Variants in FYCO1 observed in about 807,000 individuals in gnomAD.
FYCO1 encodes the protein FYVE and coiled-coil domain-containing protein 1.
Under a neutral mutation model 165.1 loss-of-function variants are expected in FYCO1, and 122 were observed. The observed-to-expected ratio is 0.74, with a 90% CI of 0.64 to 0.86. The LOEUF is 0.86. Ranked by LOEUF, FYCO1 falls within the 40% of genes least tolerant of loss-of-function variation. FYCO1 has a pLI of 0.00. For synonymous variants in FYCO1, 648 were observed against 742.5 expected (o/e 0.87, Z 2.07); for missense variants, 1,702 against 1,810.3 (o/e 0.94, Z 1.09).
Position 45,921,800 on chromosome 3 carries a change from G to A in FYCO1, c.4402C>T (p.Arg1468Trp), listed in dbSNP as rs377154822. Residue 1468 changes from arginine (R) to tryptophan (W), a missense_variant, in exon 18 of 18, where the codon CGG (arginine) becomes TGG (tryptophan). By Grantham distance (101) the Arg-to-Trp change is moderately radical. Coordinates refer to ENST00000296137, the MANE Select transcript of FYCO1 (RefSeq NM_024513.4). ...KKVFYHLTVDRPVIYDGSDFL is the reference protein window; with the variant it reads ...KKVFYHLTVDWPVIYDGSDFL ...TCACTTCCATCGTAGATCACAGGCCGATCAACCGTCAAGTGATAAAATACC... is the reference window on the plus strand; with the variant it reads ...TCACTTCCATCGTAGATCACAGGCCAATCAACCGTCAAGTGATAAAATACC... 23 of 1,612,692 alleles carry A rather than the reference G, an allele frequency of 1.4e-5. No individual in the cohort carries two copies. Among genetic ancestry groups the A allele is most frequent in the Non-Finnish European group, 1.6e-5 (19 of 1,178,786 alleles).
intron 4 of FYCO1, among the ~76,000 whole-genome samples, chr3:45,975,754 C>T (rs529579549): frequency 1.3e-5 from 2 of 152,262 alleles, no homozygotes; most frequent in African/African-American, 2.4e-5. Context: ...GTAAGTGAAG[C>T]ACTTCTCACA....
chr3:45,966,569 A>C lies in FYCO1; in HGVS notation c.2765T>G (p.Val922Gly), dbSNP rs1219288721. Residue 922 changes from valine (V) to glycine (G), a missense_variant, in exon 8 of 18, where the codon GTG (valine) becomes GGG (glycine). Coordinates refer to ENST00000296137, the MANE Select transcript of FYCO1 (RefSeq NM_024513.4). ...GACAGCACAGGCCAGTGCCTCCTCC[A>C]CTCGCTCCTTTTCCACGGTCAGTGC... ...VCALTVEKER[V>G]EEALACAVQE... is the part of the protein sequence containing the mutation. The C allele has an allele frequency of 6.2e-7, 1 of 1,613,904 alleles. No homozygotes were observed. The highest frequency in any genetic ancestry group is 1.7e-5 in the Admixed American group (1 of 60,024).
intron 1 of FYCO1, among the ~76,000 whole-genome samples, chr3:45,988,642 C>T (rs1253289169): frequency 1.3e-5 from 2 of 152,184 alleles, no homozygotes; most frequent in African/African-American, 4.8e-5. Context: ...CAGGCTCTTT[C>T]AAATATCAGA....
intron 16 of FYCO1, among the ~76,000 whole-genome samples, chr3:45,924,261 G>T (rs1703219714): frequency 6.6e-6 from 1 of 152,192 alleles, no homozygotes; most frequent in South Asian, 2.1e-4. Context: ...ACCTAGGCCT[G>T]TCTCCTGGCT....
Position 45,967,725 on chromosome 3 carries a change from T to A in FYCO1, c.1609A>T (p.Lys537Ter). 6.2e-7 allele frequency: 1 copy of A among 1,613,284 alleles called. No individual in the cohort carries two copies. Among genetic ancestry groups the A allele is most frequent in the African/African-American group, 1.3e-5 (1 of 75,038 alleles). Residue 537 changes from lysine to a stop codon, truncating the protein, a stop_gained, in exon 8 of 18, where the codon AAG becomes TAG. Coordinates refer to ENST00000296137, the MANE Select transcript of FYCO1 (RefSeq NM_024513.4). LOFTEE classifies it high-confidence loss of function. ...QHVSDLEEQK[K>*]QLIQDKDHLS... Reference sequence around the variant, plus strand: ...TGGTCTTTGTCCTGAATGAGCTGCTTCTTCTGCTCCTCCAGGTCACTCACA... The same window carrying A: ...TGGTCTTTGTCCTGAATGAGCTGCTACTTCTGCTCCTCCAGGTCACTCACA...
Position 45,962,098 on chromosome 3 carries a change from G to A in FYCO1, c.3437+127C>T. 1 of 1,011,806 alleles carries A rather than the reference G, an allele frequency of 9.9e-7. No homozygotes were observed. The highest frequency in any genetic ancestry group is 1.3e-5 in the South Asian group (1 of 77,704). The allele number at this position is 1,011,806 out of a possible 1,614,324, so 62.7% of individuals were successfully genotyped here. A position where few individuals can be genotyped will look rare whatever the true frequency, so the allele number is the denominator to read the frequency against. ...AAAGTGAGATGGAGAAGGAGAGAGG[G>A]GCTCCTGAGACAGCAGCAAGAAAGT... On this transcript the variant is annotated intron_variant, in intron 11 of 17. Coordinates refer to ENST00000296137, the MANE Select transcript of FYCO1 (RefSeq NM_024513.4). The surrounding 1 kb of genome is among the most constrained non-coding windows in gnomAD (Gnocchi z 4.4).
intron 14 of FYCO1, among the ~76,000 whole-genome samples, chr3:45,953,401 C>T (rs1705137065): frequency 6.6e-6 from 1 of 152,196 alleles, no homozygotes; most frequent in Non-Finnish European, 1.5e-5. Context: ...TTGTAAACTG[C>T]TCTAAAGCCA....
chr3:45,983,436 T>C (rs1482681076), intron 2 of FYCO1, among the ~76,000 whole-genome samples: 1 of 152,184 alleles, frequency 6.6e-6, no homozygotes, highest in Non-Finnish European at 1.5e-5. Flanking sequence ...CTTTCAAGAA[T>C]TCCCACCAAA....
At position 45,954,216 on chromosome 3, in the gene FYCO1, TG is replaced by T. The variant is rs35590437; in HGVS notation, c.3944+1032del. 5.9e-5 allele frequency among the ~76,000 whole-genome samples: 9 copies of T among 151,822 alleles called. No homozygotes were observed. In the East Asian group the frequency reaches 9.7e-4, roughly 16 times the overall value. Reference sequence around the variant, plus strand: ...TTTCTTGAAACGTTATGACATTTTTTGGGGGGGGTAAGGCGATTTTTTTAAA... The same window carrying T: ...TTTCTTGAAACGTTATGACATTTTTTGGGGGGGTAAGGCGATTTTTTTAAA... On this transcript the variant is annotated intron_variant, in intron 14 of 17. Transcript: ENST00000296137.
At position 45,973,237 on chromosome 3, in the gene FYCO1, G is replaced by A. The variant is rs756281232; in HGVS notation, c.396-6C>T. 6.2e-7 allele frequency: 1 copy of A among 1,613,722 alleles called. No homozygotes were observed. The highest frequency in any genetic ancestry group is 1.1e-5 in the South Asian group (1 of 91,080). On this transcript the variant is annotated splice_polypyrimidine_tract_variant and splice_region_variant and intron_variant, in intron 5 of 17. Coordinates refer to ENST00000296137, the MANE Select transcript of FYCO1 (RefSeq NM_024513.4). ...TTCTTGCATAGTACCAGTCACTGCA[G>A]AAAAACATGTCAATTATAAGAGTAA...
At position 45,963,000 on chromosome 3, in the gene FYCO1, C is replaced by A. The variant is rs1021097035; in HGVS notation, c.3270-608G>T. On this transcript the variant is annotated intron_variant, in intron 10 of 17. Coordinates refer to ENST00000296137, the MANE Select transcript of FYCO1 (RefSeq NM_024513.4). The surrounding 1 kb of genome is among the most constrained non-coding windows in gnomAD (Gnocchi z 4.4). ...CTGAATCTCGCTGTCTTCCTCACCC[C>A]ACCCACTCCATTTTTAATGCAGCTA... Among the ~76,000 whole-genome samples, 1 of 152,184 alleles carries A rather than the reference C, an allele frequency of 6.6e-6. No homozygotes were observed. The highest frequency in any genetic ancestry group is 1.5e-5 in the Non-Finnish European group (1 of 68,032).
At chr3:45,937,205 A>G (rs183301242) in intron 14 of FYCO1, among the ~76,000 whole-genome samples, 13 of 152,016 alleles carry the variant, frequency 8.6e-5, no homozygotes, top group Admixed American at 7.2e-4. Context: ...AACCAGCTCC[A>G]CTCCCCAGTT....
At chr3:45,970,787 T>C (rs17215008) in intron 6 of FYCO1, among the ~76,000 whole-genome samples, 13,489 of 151,808 alleles carry the variant, frequency 0.089, 990 homozygotes, top group South Asian at 0.34. Flanking sequence ...AGATACAAAA[T>C]CTCAAAAACA....
rs1705856606 is a variant in FYCO1 at position 45,964,108 on chromosome 3, GA to G, written c.3269+227del. Among the ~76,000 whole-genome samples, 1 of 152,176 alleles carries G rather than the reference GA, an allele frequency of 6.6e-6. No individual in the cohort carries two copies. The highest frequency in any genetic ancestry group is 6.5e-5 in the Admixed American group (1 of 15,278). On this transcript the variant is annotated intron_variant, in intron 10 of 17. Transcript: ENST00000296137. The surrounding 1 kb of genome is among the most constrained non-coding windows in gnomAD (Gnocchi z 4.1). ...GAAGTATGATATGCACTGCCAGAGA[GA>G]AGAAAATTGAGTTAGGAGAAAGGTG...
intron 14 of FYCO1, among the ~76,000 whole-genome samples, chr3:45,938,771 C>T (rs1169426581): frequency 2.0e-5 from 3 of 152,350 alleles, no homozygotes; most frequent in African/African-American, 4.8e-5. Context: ...GGATTACAGG[C>T]GTGAGCCACT....
At chr3:45,947,250 C>T (rs1394311642) in intron 14 of FYCO1, 1 of 1,614,038 alleles carries the variant, frequency 6.2e-7, no homozygotes, top group African/African-American at 1.3e-5. Flanking sequence ...CCGCAGCACA[C>T]ACTGGGAATA....
chr3:45,984,941 C>G lies in FYCO1; in HGVS notation c.-31G>C. ...GTTTGCCTTTCTTGTCTGTATGTCT[C>G]CTGCCTGGGTCCAGAGGAAGGCTCA... On this transcript the variant is annotated 5_prime_UTR_variant, in exon 2 of 18. Coordinates refer to ENST00000296137, the MANE Select transcript of FYCO1 (RefSeq NM_024513.4). 3.1e-6 allele frequency: 5 copies of G among 1,612,664 alleles called. No homozygotes were observed. The highest frequency in any genetic ancestry group is 4.2e-6 in the Non-Finnish European group (5 of 1,178,998).
chr3:45,920,378 A>T lies in FYCO1; in HGVS notation c.*1387T>A, dbSNP rs916832484. 3.9e-5 allele frequency: 6 copies of T among 152,218 alleles called. No individual in the cohort carries two copies. Among genetic ancestry groups the T allele is most frequent in the Admixed American group, 6.5e-5 (1 of 15,274 alleles). 9.4% of individuals were successfully genotyped at this position (152,218 alleles called of 1,614,324 possible). On this transcript the variant is annotated 3_prime_UTR_variant, in exon 18 of 18. Coordinates refer to ENST00000296137, the MANE Select transcript of FYCO1 (RefSeq NM_024513.4). ...CCGGGCCCAGCTCTCAGATTCTCGG[A>T]TAGCCTGTCTGGTGCTCTCTCCCTC... is the stretch of plus-strand genomic sequence containing the variant.
intron 1 of FYCO1, among the ~76,000 whole-genome samples, chr3:45,990,862 C>A (rs974039951): frequency 1.3e-5 from 2 of 152,182 alleles, no homozygotes; most frequent in African/African-American, 2.4e-5. Context: ...ACCTCCCCCT[C>A]CCAGGTTCAA....
Sources: allele counts gnomAD v4.1 joint callset (sites outside exome capture counted in the v4.1 genomes callset), GRCh38; gene constraint gnomAD v4.1.1; non-coding constraint Gnocchi (gnomAD v3.1); transcripts MANE v1.5; gene names NCBI Gene and HGNC (gene_info 2026-07-23, HGNC 2026-07-21).